The following SAMD12 variants were observed in gnomAD, a reference collection of about 807,000 sequenced individuals.
The protein encoded by SAMD12 is sterile alpha motif domain containing 12, also known as sterile alpha motif domain-containing protein 12.
Under a neutral mutation model 15.0 loss-of-function variants are expected in SAMD12, and 9 were observed. The ratio of observed to expected loss-of-function variants is 0.60; its 90% confidence interval spans 0.36 to 1.05. The LOEUF is 1.05. SAMD12 is among the 50% of genes least tolerant of loss of function. SAMD12 has a pLI of 0.01. For synonymous variants in SAMD12, 86 were observed against 90.1 expected (o/e 0.96, Z 0.25); for missense variants, 230 against 234.2 (o/e 0.98, Z 0.12).
At chr8:118,461,372 T>C (rs976496841) in intron 2 of SAMD12, among the ~76,000 whole-genome samples, 3 of 152,250 alleles carry the variant, frequency 2.0e-5, no homozygotes, top group Admixed American at 6.5e-5. Context: ...ACTATGGATG[T>C]TTCAATTAAT....
intron 4 of SAMD12, among the ~76,000 whole-genome samples, chr8:118,298,368 G>A (rs557589346): frequency 6.6e-6 from 1 of 152,146 alleles, no homozygotes; most frequent in South Asian, 2.1e-4. Flanking sequence ...ATGCTCAGAG[G>A]CATATACAAT....
chr8:118,181,941 C>T, the SAMD12 span, among the ~76,000 whole-genome samples: 2 of 152,184 alleles, frequency 1.3e-5, no homozygotes, highest in East Asian at 1.9e-4. Flanking sequence ...TTTGCTTATT[C>T]CTTATTCTCA....
At chr8:118,235,235 G>A (rs980233600) in intron 4 of SAMD12, among the ~76,000 whole-genome samples, 8 of 150,356 alleles carry the variant, frequency 5.3e-5, no homozygotes, top group Non-Finnish European at 1.0e-4. Context: ...TTTTTTAGAC[G>A]GAGTCTTGCT....
intron 2 of SAMD12, among the ~76,000 whole-genome samples, chr8:118,549,668 A>C (rs181835634): frequency 0.011 from 1,638 of 152,368 alleles, 36 homozygotes; most frequent in African/African-American, 0.037. Flanking sequence ...GCAATGGAAC[A>C]AAGCTGGACG....
chr8:118,254,070 A>T (rs969575320), intron 4 of SAMD12, among the ~76,000 whole-genome samples: 1 of 152,142 alleles, frequency 6.6e-6, no homozygotes, highest in African/African-American at 2.4e-5. Context: ...TAATACTTAA[A>T]CCATAGGCTC....
At chr8:118,186,688 T>A (rs1036750444), downstream of SAMD12, among the ~76,000 whole-genome samples, 3 of 151,872 alleles carry the variant, frequency 2.0e-5, no homozygotes, top group Admixed American at 6.6e-5. Context: ...TAAAGAAAAA[T>A]TCAATGTTTA....
At chr8:118,287,975 A>T (rs1051449125) in intron 4 of SAMD12, among the ~76,000 whole-genome samples, 3 of 152,208 alleles carry the variant, frequency 2.0e-5, no homozygotes, top group Non-Finnish European at 4.4e-5. Context: ...TGTTTAATTT[A>T]AATCCCGTGT....
chr8:118,399,484 G>A (rs1820763586), intron 3 of SAMD12, among the ~76,000 whole-genome samples: 2 of 152,094 alleles, frequency 1.3e-5, no homozygotes, highest in African/African-American at 4.8e-5. Flanking sequence ...CTCTTCCTGT[G>A]AGTAGCCTGC....
chr8:118,268,859 T>A (rs1813269625), intron 4 of SAMD12, among the ~76,000 whole-genome samples: 1 of 152,180 alleles, frequency 6.6e-6, no homozygotes, highest in African/African-American at 2.4e-5. Flanking sequence ...ATCAATTTTA[T>A]CTTCCTGGGG....
chr8:118,543,253 T>G (rs1826033788), intron 2 of SAMD12, among the ~76,000 whole-genome samples: 1 of 152,138 alleles, frequency 6.6e-6, no homozygotes, highest in Non-Finnish European at 1.5e-5. Flanking sequence ...CACTTAGTCC[T>G]AAACCCACTT....
At chr8:118,478,888 CA>C (rs1189032793) in intron 2 of SAMD12, among the ~76,000 whole-genome samples, 8 of 152,176 alleles carry the variant, frequency 5.3e-5, no homozygotes, top group Admixed American at 1.3e-4. Flanking sequence ...GCTACCCAAG[CA>C]ATGAAAATAT....
intron 2 of SAMD12, among the ~76,000 whole-genome samples, chr8:118,506,831 G>A (rs1042305362): frequency 5.3e-5 from 8 of 150,068 alleles, no homozygotes; most frequent in Non-Finnish European, 1.2e-4. Flanking sequence ...AGTGTGACTG[G>A]CTGGGTGATG....
At chr8:118,553,509 C>T (rs374246223) in intron 2 of SAMD12, among the ~76,000 whole-genome samples, 87 of 152,122 alleles carry the variant, frequency 5.7e-4, no homozygotes, top group Non-Finnish European at 1.0e-3. Context: ...ATCCCTTCCT[C>T]ACACCTTATA....
chr8:118,438,039 G>A (rs772582766), intron 3 of SAMD12, among the ~76,000 whole-genome samples: 2 of 152,158 alleles, frequency 1.3e-5, no homozygotes, highest in Non-Finnish European at 2.9e-5. Flanking sequence ...TCAGGCAAAT[G>A]GTTACTAACT....
At chr8:118,511,451 TG>T (rs890094457) in intron 2 of SAMD12, among the ~76,000 whole-genome samples, 8 of 126,172 alleles carry the variant, frequency 6.3e-5, no homozygotes, top group East Asian at 4.0e-4. Context: ...TTTTTGTTTT[TG>T]TTTTTTTTTT....
intron 4 of SAMD12, among the ~76,000 whole-genome samples, chr8:118,294,375 C>T (rs754152204): frequency 2.0e-5 from 3 of 152,154 alleles, no homozygotes; most frequent in Admixed American, 6.5e-5. Flanking sequence ...AGGCATGCGG[C>T]GTCATCAGCA....
At chr8:118,268,167 G>T (rs1202088559) in intron 4 of SAMD12, among the ~76,000 whole-genome samples, 1 of 152,028 alleles carries the variant, frequency 6.6e-6, no homozygotes, top group Admixed American at 6.6e-5. Flanking sequence ...GATTATTTTG[G>T]CATATCTCTC....
chr8:118,415,126 C>A (rs1307980129), intron 3 of SAMD12, among the ~76,000 whole-genome samples: 1 of 152,112 alleles, frequency 6.6e-6, no homozygotes, highest in Non-Finnish European at 1.5e-5. Context: ...CTACATTTAG[C>A]CTGTGTGAAA....
intron 4 of SAMD12, among the ~76,000 whole-genome samples, chr8:118,199,189 G>C (rs1179712424): frequency 6.6e-6 from 1 of 152,178 alleles, no homozygotes; most frequent in Admixed American, 6.5e-5. Context: ...TGTCATCATA[G>C]TATTTTGCAA....
Sources: allele counts gnomAD v4.1 joint callset (sites outside exome capture counted in the v4.1 genomes callset), GRCh38; gene constraint gnomAD v4.1.1; transcripts MANE v1.5; gene names NCBI Gene and HGNC (gene_info 2026-07-23, HGNC 2026-07-21).